Variants in KCNMA1 observed in about 807,000 individuals in gnomAD.
KCNMA1 encodes Calcium-activated potassium channel subunit alpha-1.
Under a neutral mutation model 140.0 loss-of-function variants are expected in KCNMA1, and 29 were observed. The ratio of observed to expected loss-of-function variants is 0.21; its 90% CI spans 0.15 to 0.28. The LOEUF (loss-of-function observed/expected upper bound fraction) is 0.28, where lower values mean the gene tolerates loss of function less well. Ranked by LOEUF, KCNMA1 falls within the 10% of genes least tolerant of loss-of-function variation. The pLI, the probability that KCNMA1 is intolerant of heterozygous loss-of-function variation, is 1.00. For missense variants in KCNMA1, 880 were observed against 1,602.2 expected (o/e 0.55, Z 7.70); for synonymous variants, 612 against 611.9 (o/e 1.00, Z 0.00).
chr10:77,544,086 G>A (rs567379145), intron 1 of KCNMA1, among the ~76,000 whole-genome samples: 1 of 151,616 alleles, frequency 6.6e-6, no homozygotes, highest in South Asian at 2.1e-4. Context: ...AAATTGGGAT[G>A]TAGAGTGTGA....
chr10:77,634,206 A>G, intron 1 of KCNMA1: 4 of 985,432 alleles, frequency 4.1e-6, no homozygotes, highest in Non-Finnish European at 4.8e-6. Flanking sequence ...GTCACACCCA[A>G]GTGAATAGAG....
chr10:77,249,326 G>A (rs1473525647), intron 3 of KCNMA1: 1 of 152,088 alleles, frequency 6.6e-6, no homozygotes, highest in Non-Finnish European at 1.5e-5. Context: ...GTGCATTGGG[G>A]AATTTCATTC....
intron 1 of KCNMA1, among the ~76,000 whole-genome samples, chr10:77,571,953 G>A (rs1156393441): frequency 6.6e-6 from 1 of 152,166 alleles, no homozygotes; most frequent in Non-Finnish European, 1.5e-5. Context: ...CAGCAACAAG[G>A]TTTTAATGAC....
At position 76,947,486 on chromosome 10, in the gene KCNMA1, T is replaced by C. The variant is rs148805464; in HGVS notation, c.2709+1656A>G. ...CATACACACACAGACTCATGTATCCTGGTAAAATAATAAACCCTTTACAAA... is the reference window on the plus strand; with the variant it reads ...CATACACACACAGACTCATGTATCCCGGTAAAATAATAAACCCTTTACAAA... On this transcript the variant is annotated intron_variant, in intron 22 of 27. Transcript: ENST00000286628. 1.2e-3 allele frequency among the ~76,000 whole-genome samples: 186 copies of C among 152,248 alleles called. 1 individual carries two copies. The highest frequency in any genetic ancestry group is 4.3e-3 in the African/African-American group (179 of 41,560).
intron 1 of KCNMA1, among the ~76,000 whole-genome samples, chr10:77,576,110 G>C (rs1284959682): frequency 6.6e-6 from 1 of 152,214 alleles, no homozygotes; most frequent in African/African-American, 2.4e-5. Flanking sequence ...GACGCATCTA[G>C]ATTCATGCCC....
intron 1 of KCNMA1, among the ~76,000 whole-genome samples, chr10:77,485,636 C>G (rs1197563662): frequency 1.3e-5 from 2 of 152,152 alleles, no homozygotes; most frequent in East Asian, 1.9e-4. Flanking sequence ...ATCTCAGAGC[C>G]CATAGAGAAG....
At chr10:77,533,117 T>G (rs2058072666) in intron 1 of KCNMA1, among the ~76,000 whole-genome samples, 1 of 152,230 alleles carries the variant, frequency 6.6e-6, no homozygotes, top group Non-Finnish European at 1.5e-5. Flanking sequence ...TTCTGACATA[T>G]GAACACTCGT....
intron 19 of KCNMA1, among the ~76,000 whole-genome samples, chr10:76,999,836 T>C (rs2085612232): frequency 6.6e-6 from 1 of 152,192 alleles, no homozygotes; most frequent in Non-Finnish European, 1.5e-5. Flanking sequence ...TCAGAGAGAA[T>C]GACTCTCTGG....
At chr10:77,264,884 A>G (rs983924963) in intron 2 of KCNMA1, among the ~76,000 whole-genome samples, 5 of 152,150 alleles carry the variant, frequency 3.3e-5, no homozygotes, top group African/African-American at 1.2e-4. Flanking sequence ...TCATTCATTC[A>G]TTCATTCAGT....
At chr10:77,503,812 C>A (rs60351832) in intron 1 of KCNMA1, among the ~76,000 whole-genome samples, 23,050 of 152,212 alleles carry the variant, frequency 0.15, 2,051 homozygotes, top group Middle Eastern at 0.25. Context: ...GCCACAAGTG[C>A]TGCGGGATTT....
intron 14 of KCNMA1, among the ~76,000 whole-genome samples, chr10:77,063,303 C>T (rs773495161): frequency 6.6e-6 from 1 of 151,980 alleles, no homozygotes; most frequent in East Asian, 1.9e-4. Context: ...GTCCCAGCTA[C>T]TTGGGAGACT....
At chr10:77,599,753 AG>A (rs775802259) in intron 1 of KCNMA1, among the ~76,000 whole-genome samples, 24 of 152,122 alleles carry the variant, frequency 1.6e-4, no homozygotes, top group Non-Finnish European at 2.9e-4. Flanking sequence ...CTGCAAAACA[AG>A]GGGATGCCTC....
At chr10:77,571,600 C>A (rs1298946827) in intron 1 of KCNMA1, among the ~76,000 whole-genome samples, 1 of 152,182 alleles carries the variant, frequency 6.6e-6, no homozygotes, top group African/African-American at 2.4e-5. Flanking sequence ...TCTGCTGGAC[C>A]ACCTGTCTGT....
At chr10:77,495,028 T>C (rs1323063205) in intron 1 of KCNMA1, among the ~76,000 whole-genome samples, 1 of 152,246 alleles carries the variant, frequency 6.6e-6, no homozygotes, top group Non-Finnish European at 1.5e-5. Flanking sequence ...GATCTCATCT[T>C]AACTTGATCA....
chr10:77,308,214 C>T (rs1565881843), intron 2 of KCNMA1, among the ~76,000 whole-genome samples: 1 of 152,032 alleles, frequency 6.6e-6, no homozygotes. Context: ...CTAGAGTTGC[C>T]CTTGAGTCCT....
chr10:77,234,212 A>G (rs1371533367), intron 3 of KCNMA1, among the ~76,000 whole-genome samples: 3 of 152,148 alleles, frequency 2.0e-5, no homozygotes, highest in Non-Finnish European at 4.4e-5. Flanking sequence ...TTATAATCCA[A>G]TGTTTTTATA....
intron 2 of KCNMA1, among the ~76,000 whole-genome samples, chr10:77,292,949 A>T (rs2607800): frequency 6.6e-6 from 1 of 152,114 alleles, no homozygotes; most frequent in East Asian, 1.9e-4. Context: ...GGATTTGGGG[A>T]TGGAGAGCTA....
chr10:77,333,943 T>C (rs771158068), intron 2 of KCNMA1, among the ~76,000 whole-genome samples: 9 of 152,196 alleles, frequency 5.9e-5, no homozygotes, highest in Non-Finnish European at 1.2e-4. Context: ...TTTCAGTATA[T>C]GCAATTGTTG....
At chr10:77,068,660 A>C (rs1250038414) in intron 14 of KCNMA1, among the ~76,000 whole-genome samples, 4 of 151,414 alleles carry the variant, frequency 2.6e-5, no homozygotes, top group Non-Finnish European at 5.9e-5. Flanking sequence ...TTTATTCAAC[A>C]AAGAAATAAT....
Sources: gnomAD v4.1 joint callset for allele counts (sites outside exome capture counted in the v4.1 genomes callset) on GRCh38, gnomAD v4.1.1 for gene constraint, MANE v1.5 for transcripts, NCBI Gene and HGNC (gene_info 2026-07-23, HGNC 2026-07-21) for gene names.